Variants in OR3A2 observed in about 807,000 individuals in gnomAD.
OR3A2 encodes the protein olfactory receptor family 3 subfamily A member 2.
For synonymous variants in OR3A2, 126 were observed against 159.3 expected, an observed-to-expected ratio of 0.79 and a Z score of 1.57; for missense variants, 318 against 392.8, an observed-to-expected ratio of 0.81 and a Z score of 1.61.
At chr17:3,371,474 ATC>A (rs2049619454) in intron 2 of OR3A2, among the ~76,000 whole-genome samples, 1 of 109,070 alleles carries the variant, frequency 9.2e-6, no homozygotes, top group African/African-American at 3.6e-5. Context: ...CGGGGGGCTG[ATC>A]CCCCCACCTC....
chr17:3,300,381 A>G (rs2048953228), intron 3 of OR3A2, among the ~76,000 whole-genome samples: 1 of 152,130 alleles, frequency 6.6e-6, no homozygotes, highest in Non-Finnish European at 1.5e-5. Context: ...CAACATGACA[A>G]AACCCCATTG....
At chr17:3,326,510 G>A (rs920622973) in intron 3 of OR3A2, among the ~76,000 whole-genome samples, 8 of 151,690 alleles carry the variant, frequency 5.3e-5, no homozygotes, top group Admixed American at 3.9e-4. Flanking sequence ...ATCAGTTCCC[G>A]AAATTAATAC....
At chr17:3,369,976 G>A (rs2049598905) in intron 2 of OR3A2, among the ~76,000 whole-genome samples, 1 of 151,882 alleles carries the variant, frequency 6.6e-6, no homozygotes, top group Non-Finnish European at 1.5e-5. Flanking sequence ...GCTAATTTTT[G>A]TATTTTTTGT....
At chr17:3,348,699 G>A (rs188948565) in intron 2 of OR3A2, among the ~76,000 whole-genome samples, 2 of 151,868 alleles carry the variant, frequency 1.3e-5, no homozygotes, top group Non-Finnish European at 2.9e-5. Flanking sequence ...GATACTCCTC[G>A]AGAAGAGCAA....
At chr17:3,314,439 C>T (rs9908531) in intron 3 of OR3A2, among the ~76,000 whole-genome samples, 1 of 151,908 alleles carries the variant, frequency 6.6e-6, no homozygotes, top group Non-Finnish European at 1.5e-5. Context: ...GAAGAGTGAA[C>T]GTATTGACAT....
chr17:3,317,736 T>G (rs1353463977), intron 3 of OR3A2, among the ~76,000 whole-genome samples: 1 of 152,126 alleles, frequency 6.6e-6, no homozygotes, highest in Non-Finnish European at 1.5e-5. Flanking sequence ...AAAATTTCAT[T>G]GGGTTTTGAG....
chr17:3,353,112 T>C (rs1597354961), intron 2 of OR3A2, among the ~76,000 whole-genome samples: 3 of 111,160 alleles, frequency 2.7e-5, no homozygotes, highest in Non-Finnish European at 5.5e-5. Context: ...AATTTGCTTA[T>C]AAGTTCTTTT....
chr17:3,310,090 C>A, intron 3 of OR3A2: 1 of 318,284 alleles, frequency 3.1e-6, no homozygotes, highest in South Asian at 2.8e-5. Flanking sequence ...CTGTCCAATG[C>A]CACTCTTGTT....
rs377468736 is a variant in OR3A2 at position 3,341,741 on chromosome 17, C to T, written c.-178-5615G>A. On this transcript the variant is annotated intron_variant, in intron 2 of 4. Transcript: ENST00000573491. ...CTTGGTGAATCTGACAATTATGTGT[C>T]TTGGAGTTGCTCTTCTGGAGGAGTA... Among the ~76,000 whole-genome samples, 53 of 152,218 alleles carry T rather than the reference C, an allele frequency of 3.5e-4. No individual in the cohort carries two copies. The East Asian group carries it at 7.7e-3, about 22-fold the overall frequency.
chr17:3,308,520 A>G (rs231680), intron 3 of OR3A2, among the ~76,000 whole-genome samples: 70,441 of 151,950 alleles, frequency 0.46, 17,886 homozygotes, highest in East Asian at 0.95. Context: ...GGGTGCTTCA[A>G]TGTGCAGGGT....
intron 2 of OR3A2, among the ~76,000 whole-genome samples, chr17:3,367,599 G>GTATATATAATATATATATATATATATATA (rs201439962): frequency 1.6e-4 from 14 of 85,948 alleles, no homozygotes; most frequent in African/African-American, 6.6e-4. Flanking sequence ...GTGTGTGTGT[G>GTATATATAATATATATATATATATATATA]TGTATATATA....
At chr17:3,365,888 T>G (rs932460479) in intron 2 of OR3A2, among the ~76,000 whole-genome samples, 1 of 152,130 alleles carries the variant, frequency 6.6e-6, no homozygotes, top group Non-Finnish European at 1.5e-5. Context: ...GGAAGGAAGA[T>G]CACAGCATCA....
At chr17:3,337,664 C>T (rs900393865) in intron 2 of OR3A2, among the ~76,000 whole-genome samples, 1 of 152,080 alleles carries the variant, frequency 6.6e-6, no homozygotes, top group Non-Finnish European at 1.5e-5. Flanking sequence ...TTTCTTAATC[C>T]AGTCTATCAC....
At chr17:3,299,584 G>A (rs2625454) in intron 3 of OR3A2, among the ~76,000 whole-genome samples, 71,238 of 151,996 alleles carry the variant, frequency 0.47, 18,161 homozygotes, top group East Asian at 0.96. Flanking sequence ...AGAGGTTGCC[G>A]AGCCCTCCCT....
At chr17:3,362,365 C>T (rs879468582) in intron 2 of OR3A2, among the ~76,000 whole-genome samples, 1 of 151,562 alleles carries the variant, frequency 6.6e-6, no homozygotes, top group Non-Finnish European at 1.5e-5. Flanking sequence ...TTCAAAAAAA[C>T]CAGCTCCTGG....
chr17:3,350,544 G>C (rs2049411566), intron 2 of OR3A2, among the ~76,000 whole-genome samples: 1 of 151,676 alleles, frequency 6.6e-6, no homozygotes, highest in South Asian at 2.1e-4. Flanking sequence ...ATAATCAATA[G>C]CTTACCAACC....
intron 3 of OR3A2, among the ~76,000 whole-genome samples, chr17:3,313,812 T>C (rs2049061312): frequency 6.6e-6 from 1 of 152,204 alleles, no homozygotes; most frequent in African/African-American, 2.4e-5. Context: ...CCATGTCTTA[T>C]ATTATGTCTT....
chr17:3,354,299 T>C lies in OR3A2; in HGVS notation c.-178-18173A>G, dbSNP rs1008825030. Among the ~76,000 whole-genome samples the C allele has an allele frequency of 1.7e-4, 25 of 151,286 alleles. 1 individual carries two copies. Among genetic ancestry groups the C allele is most frequent in the East Asian group, 9.6e-4 (5 of 5,184 alleles). ...TTGCTAGAATTCAGCAGTGAAGCCATTGCGTCCTGTGCTTTTCTTTTCCTC... is the reference window on the plus strand; with the variant it reads ...TTGCTAGAATTCAGCAGTGAAGCCACTGCGTCCTGTGCTTTTCTTTTCCTC... On this transcript the variant is annotated intron_variant, in intron 2 of 4. Transcript: ENST00000573491.
At chr17:3,289,311 G>C (rs909169503), upstream of OR3A2, among the ~76,000 whole-genome samples, 2 of 152,170 alleles carry the variant, frequency 1.3e-5, no homozygotes, top group Non-Finnish European at 2.9e-5. Context: ...TAAAAGGGGA[G>C]AAAAATTCCA....
Sources: allele counts gnomAD v4.1 joint callset (sites outside exome capture counted in the v4.1 genomes callset), GRCh38; gene constraint gnomAD v4.1.1; transcripts MANE v1.5; gene names NCBI Gene and HGNC (gene_info 2026-07-23, HGNC 2026-07-21).